The following HMBOX1 variants were observed in gnomAD, a reference collection of about 807,000 sequenced individuals.
HMBOX1 encodes the protein homeobox-containing protein 1.
In HMBOX1, 14 loss-of-function variants were observed where a neutral mutation model predicts 54.5. That is an observed-to-expected ratio of 0.26 (90% CI 0.17 to 0.40). HMBOX1 has a LOEUF of 0.40. Ranked by LOEUF, HMBOX1 falls within the 10% of genes least tolerant of loss-of-function variation. The pLI, the probability that HMBOX1 is intolerant of heterozygous loss-of-function variation, is 1.00. For missense variants in HMBOX1, 332 were observed against 514.4 expected (o/e 0.65, Z 3.43); for synonymous variants, 160 against 181.0 (o/e 0.88, Z 0.93).
At chr8:29,003,555 A>AAAATATATATATATATATAT (rs1554567241) in intron 4 of HMBOX1, among the ~76,000 whole-genome samples, 1 of 71,312 alleles carries the variant, frequency 1.4e-5, no homozygotes, top group South Asian at 5.5e-4. Context: ...TTCTGTATTA[A>AAAATATATATATATATATAT]ATATATATAT....
intron 1 of HMBOX1, among the ~76,000 whole-genome samples, chr8:28,911,685 A>G (rs1233019673): frequency 6.6e-6 from 1 of 152,072 alleles, no homozygotes; most frequent in Non-Finnish European, 1.5e-5. Flanking sequence ...TGCTGCTCCT[A>G]AAACTTGCCC....
chr8:28,980,106 C>A lies in HMBOX1; in HGVS notation c.536C>A (p.Ala179Asp). The change falls in exon 4 of 10, where the codon GCC (alanine) becomes GAC (aspartate). Residue 179 changes from alanine (A) to aspartate (D), a missense_variant. Coordinates refer to ENST00000287701, the MANE Select transcript of HMBOX1 (RefSeq NM_001135726.3). ...AGTGTGATAAAAGAGGAAATCAAAG[C>A]CTTTCTTGCCAATCGGAGGATTTCC... Reference protein sequence around the residue: ...DSSVIKEEIKAFLANRRISQA... With the variant: ...DSSVIKEEIKDFLANRRISQA... The A allele has an allele frequency of 6.2e-7, 1 of 1,613,810 alleles. No homozygotes were observed. Among genetic ancestry groups the A allele is most frequent in the Non-Finnish European group, 8.5e-7 (1 of 1,179,722 alleles).
At chr8:29,037,040 G>A (rs1179229387) in intron 6 of HMBOX1, among the ~76,000 whole-genome samples, 6 of 152,010 alleles carry the variant, frequency 3.9e-5, no homozygotes, top group Non-Finnish European at 7.4e-5. Flanking sequence ...TAATTTTTCC[G>A]TTTAGTACTC....
chr8:28,951,240 C>G (rs28645899), intron 1 of HMBOX1, among the ~76,000 whole-genome samples: 2,814 of 152,306 alleles, frequency 0.018, 81 homozygotes, highest in African/African-American at 0.065. Flanking sequence ...TCAAGCGATT[C>G]TCCTACCTCA....
At position 28,896,481 on chromosome 8, in the gene HMBOX1, A is replaced by G. The variant is rs1008595509; in HGVS notation, c.-58+5803A>G. 8.3e-5 allele frequency among the ~76,000 whole-genome samples: 11 copies of G among 132,394 alleles called. 1 individual carries two copies. The highest frequency in any genetic ancestry group is 2.0e-4 in the Non-Finnish European group (11 of 55,702). The allele number at this position is 132,394 out of a possible 152,430, so 86.9% of individuals were successfully genotyped here. A position where few individuals can be genotyped will look rare whatever the true frequency, so the allele number is the denominator to read the frequency against. ...TCTTCATAAGTTCTGTTGTTTTGTC[A>G]ATATAGCTAAGGAGAAAGATAACCA... On this transcript the variant is annotated intron_variant, in intron 1 of 9. Coordinates refer to ENST00000287701, the MANE Select transcript of HMBOX1 (RefSeq NM_001135726.3).
At chr8:28,973,959 G>A (rs534461648) in intron 3 of HMBOX1, among the ~76,000 whole-genome samples, 8 of 151,378 alleles carry the variant, frequency 5.3e-5, no homozygotes, top group Admixed American at 1.3e-4. Flanking sequence ...GGATTACAGC[G>A]TGCACCACCA....
chr8:29,002,577 T>TA (rs912964799), intron 4 of HMBOX1, among the ~76,000 whole-genome samples: 27 of 151,526 alleles, frequency 1.8e-4, no homozygotes, highest in Admixed American at 3.3e-4. Flanking sequence ...GCCCATATGT[T>TA]AAAAAAAAAT....
intron 1 of HMBOX1, among the ~76,000 whole-genome samples, chr8:28,907,589 T>G (rs1814575459): frequency 6.6e-6 from 1 of 152,206 alleles, no homozygotes; most frequent in African/African-American, 2.4e-5. Flanking sequence ...ATTTGTTATG[T>G]GCCTCTGCTC....
At chr8:28,973,092 C>CA (rs1313991144) in intron 3 of HMBOX1, among the ~76,000 whole-genome samples, 1 of 152,166 alleles carries the variant, frequency 6.6e-6, no homozygotes, top group Admixed American at 6.5e-5. Flanking sequence ...CCCACTGCTG[C>CA]ACTCCTGCTT....
chr8:28,934,735 C>T (rs925667090), intron 1 of HMBOX1, among the ~76,000 whole-genome samples: 1 of 151,718 alleles, frequency 6.6e-6, no homozygotes, highest in African/African-American at 2.4e-5. Context: ...ACCATCCTGG[C>T]TAACACGGTG....
intron 6 of HMBOX1, among the ~76,000 whole-genome samples, chr8:29,022,287 G>A (rs543721671): frequency 7.3e-5 from 11 of 151,390 alleles, no homozygotes; most frequent in African/African-American, 2.7e-4. Context: ...GCGTGGTAGG[G>A]CATGCCTGTA....
At chr8:28,891,756 A>T (rs896224723) in intron 1 of HMBOX1, 2 of 152,272 alleles carry the variant, frequency 1.3e-5, no homozygotes, top group African/African-American at 4.8e-5. Context: ...CATTTGCCTG[A>T]AAGCTGGTGG....
chr8:28,961,033 C>T (rs1211851028), intron 1 of HMBOX1, among the ~76,000 whole-genome samples: 1 of 151,894 alleles, frequency 6.6e-6, no homozygotes, highest in African/African-American at 2.4e-5. Flanking sequence ...GATCTGTCTG[C>T]CTTGGCCTCC....
intron 4 of HMBOX1, among the ~76,000 whole-genome samples, chr8:28,992,584 A>G (rs567553559): frequency 1.1e-4 from 16 of 152,160 alleles, no homozygotes; most frequent in African/African-American, 3.6e-4. Flanking sequence ...AGAGTATACA[A>G]TGCTGGCTGG....
intron 1 of HMBOX1, among the ~76,000 whole-genome samples, chr8:28,931,273 G>A (rs183619822): frequency 3.9e-5 from 6 of 152,254 alleles, no homozygotes; most frequent in Admixed American, 1.3e-4. Flanking sequence ...TGTGTTTTCA[G>A]TTCTTCTGTG....
rs188244151 is a variant in HMBOX1 at position 29,045,547 on chromosome 8, C to T, written c.934+104C>T. On this transcript the variant is annotated intron_variant, in intron 7 of 9. Coordinates refer to ENST00000287701, the MANE Select transcript of HMBOX1 (RefSeq NM_001135726.3). The stretch of plus-strand genomic sequence containing the variant: ...TATGCGTGCCTTGGCATGGTGCTCC[C>T]GGCTCAGTCTGTGCCATCCTTCCGC... The T allele has an allele frequency of 7.7e-5, 67 of 867,426 alleles. No individual in the cohort carries two copies. In the East Asian group the frequency reaches 1.1e-3, roughly 15 times the overall value. The allele number at this position is 867,426 out of a possible 1,614,324, so 53.7% of individuals were successfully genotyped here.
chr8:28,970,358 T>C lies in HMBOX1; in HGVS notation c.339T>C (p.Thr113=). Residue 113 remains threonine, a synonymous_variant, in exon 3 of 10, where the codon ACT becomes ACC. Transcript: ENST00000287701. This position sits in a 1 kb window ranked among gnomAD's most constrained non-coding sequence, Gnocchi z 4.3. The part of the protein sequence containing the change: ...NSYDTSPQPC[T]TNQNGRENNE... ...ATGATACTTCCCCACAGCCTTGCACTACCAATCAAAATGGGAGGGAGAATA... is the reference window on the plus strand; with the variant it reads ...ATGATACTTCCCCACAGCCTTGCACCACCAATCAAAATGGGAGGGAGAATA... 6.2e-7 allele frequency: 1 copy of C among 1,614,180 alleles called. No individual in the cohort carries two copies. The highest frequency in any genetic ancestry group is 2.2e-5 in the East Asian group (1 of 44,884).
At chr8:29,022,624 A>G (rs189813554) in intron 6 of HMBOX1, among the ~76,000 whole-genome samples, 85 of 152,310 alleles carry the variant, frequency 5.6e-4, no homozygotes, top group African/African-American at 1.6e-3. Flanking sequence ...CTCTGTATAC[A>G]GTGATCTCCA....
chr8:28,924,619 A>G (rs2131829090), intron 1 of HMBOX1: 1 of 151,534 alleles, frequency 6.6e-6, no homozygotes, highest in East Asian at 1.9e-4. Context: ...TGTATATGGT[A>G]TTCTTTTCTT....
Sources: allele counts gnomAD v4.1 joint callset (sites outside exome capture counted in the v4.1 genomes callset), GRCh38; gene constraint gnomAD v4.1.1; non-coding constraint Gnocchi (gnomAD v3.1); transcripts MANE v1.5; gene names NCBI Gene and HGNC (gene_info 2026-07-23, HGNC 2026-07-21).